Variants in LRP6 observed in about 807,000 individuals in gnomAD.
The protein encoded by LRP6 is LDL receptor related protein 6, also known as low-density lipoprotein receptor-related protein 6.
In LRP6, 43 loss-of-function variants were observed where a neutral mutation model predicts 184.1. The ratio of observed to expected loss-of-function variants is 0.23; its 90% CI spans 0.18 to 0.30. LRP6 has a LOEUF of 0.30. LRP6 is among the 10% of genes least tolerant of loss of function. LRP6 has a pLI of 1.00. For synonymous variants in LRP6, 719 were observed against 684.9 expected (o/e 1.05, Z -0.78); for missense variants, 1,571 against 2,005.3 (o/e 0.78, Z 4.14).
intron 2 of LRP6, among the ~76,000 whole-genome samples, chr12:12,221,063 C>CCT (rs1833452034): frequency 6.6e-6 from 1 of 152,148 alleles, no homozygotes; most frequent in Non-Finnish European, 1.5e-5. Context: ...TACTATGACC[C>CCT]CTCTCTCCTT....
At chr12:12,158,266 G>A (rs575022531) in intron 12 of LRP6, among the ~76,000 whole-genome samples, 1 of 152,228 alleles carries the variant, frequency 6.6e-6, no homozygotes, top group Non-Finnish European at 1.5e-5. Context: ...CAATAAATAT[G>A]ATGCATGAAA....
intron 9 of LRP6, among the ~76,000 whole-genome samples, chr12:12,163,375 A>G (rs978549839): frequency 6.6e-6 from 1 of 152,194 alleles, no homozygotes; most frequent in Non-Finnish European, 1.5e-5. Flanking sequence ...ACTGAACACC[A>G]TTAGAATCCA....
At chr12:12,137,798 C>T (rs965084566) in intron 16 of LRP6, among the ~76,000 whole-genome samples, 1 of 151,974 alleles carries the variant, frequency 6.6e-6, no homozygotes, top group African/African-American at 2.4e-5. Context: ...CCATGCCTTT[C>T]CCCCATTTCT....
chr12:12,200,804 G>A (rs1863894817), intron 3 of LRP6, among the ~76,000 whole-genome samples: 1 of 152,086 alleles, frequency 6.6e-6, no homozygotes, highest in African/African-American at 2.4e-5. Context: ...TCACCCTCCT[G>A]GAACTTAGGG....
At chr12:12,174,146 C>G (rs1863114311) in intron 7 of LRP6, among the ~76,000 whole-genome samples, 1 of 151,400 alleles carries the variant, frequency 6.6e-6, no homozygotes, top group South Asian at 2.1e-4. Context: ...GAGTCTTGCT[C>G]TGTTGTCCAT....
intron 2 of LRP6, among the ~76,000 whole-genome samples, chr12:12,221,455 A>G (rs746770556): frequency 3.3e-5 from 5 of 152,216 alleles, no homozygotes; most frequent in Non-Finnish European, 7.3e-5. Flanking sequence ...CACACACAAA[A>G]TAACAGCATC....
At chr12:12,265,167 T>G (rs2135953007) in intron 1 of LRP6, among the ~76,000 whole-genome samples, 1 of 152,316 alleles carries the variant, frequency 6.6e-6, no homozygotes, top group East Asian at 1.9e-4. Flanking sequence ...TAGTTGTTTC[T>G]AACAGCTACA....
intron 2 of LRP6, among the ~76,000 whole-genome samples, chr12:12,239,329 A>C (rs912711925): frequency 2.6e-5 from 4 of 152,238 alleles, no homozygotes; most frequent in African/African-American, 9.6e-5. Flanking sequence ...CAGAAAAAGA[A>C]CAAAGAAAAT....
intron 3 of LRP6, among the ~76,000 whole-genome samples, chr12:12,192,992 T>C (rs1863656666): frequency 6.6e-6 from 1 of 152,052 alleles, no homozygotes; most frequent in South Asian, 2.1e-4. Flanking sequence ...GAATTAATCT[T>C]AAAAGACTGA....
intron 2 of LRP6, among the ~76,000 whole-genome samples, chr12:12,232,219 T>C (rs1344732644): frequency 1.3e-5 from 2 of 151,138 alleles, no homozygotes; most frequent in Admixed American, 6.6e-5. Context: ...CTGTCTCTAC[T>C]AAAAAATACA....
At chr12:12,145,913 T>C (rs1182973854) in intron 15 of LRP6, among the ~76,000 whole-genome samples, 1 of 152,108 alleles carries the variant, frequency 6.6e-6, no homozygotes. Flanking sequence ...ATTACAAGCA[T>C]GAGCCACCAC....
chr12:12,262,890 A>T (rs1865654176), intron 1 of LRP6, among the ~76,000 whole-genome samples: 1 of 152,154 alleles, frequency 6.6e-6, no homozygotes, highest in African/African-American at 2.4e-5. Flanking sequence ...GTATCTCTGA[A>T]TCTGAGTTTC....
At chr12:12,226,548 G>A (rs148167283) in intron 2 of LRP6, 6 of 152,266 alleles carry the variant, frequency 3.9e-5, no homozygotes, top group African/African-American at 1.2e-4. Flanking sequence ...GCCTTTGATG[G>A]GTTTATTAGT....
intron 5 of LRP6, among the ~76,000 whole-genome samples, chr12:12,182,467 C>T (rs372547752): frequency 5.3e-5 from 8 of 152,014 alleles, no homozygotes; most frequent in African/African-American, 1.9e-4. Context: ...AGCAAAAAAT[C>T]GTCTAACTAT....
intron 1 of LRP6, among the ~76,000 whole-genome samples, chr12:12,262,067 A>AC (rs1172305401): frequency 6.6e-6 from 1 of 152,168 alleles, no homozygotes; most frequent in Non-Finnish European, 1.5e-5. Flanking sequence ...ATATGGTGAA[A>AC]CCCCATCTCT....
chr12:12,252,411 AT>A (rs1865345482), intron 1 of LRP6, among the ~76,000 whole-genome samples: 1 of 152,236 alleles, frequency 6.6e-6, no homozygotes, highest in Non-Finnish European at 1.5e-5. Context: ...ATCAAACGTT[AT>A]GGGTCATATG....
At chr12:12,235,401 C>T (rs1864906571) in intron 2 of LRP6, among the ~76,000 whole-genome samples, 1 of 152,108 alleles carries the variant, frequency 6.6e-6, no homozygotes, top group Non-Finnish European at 1.5e-5. Context: ...TATTTCCTAA[C>T]TCTGTCCACT....
chr12:12,131,008 T>C lies in LRP6; in HGVS notation c.3971-115A>G, dbSNP rs1221095153. 4.4e-6 allele frequency: 3 copies of C among 674,974 alleles called. No individual in the cohort carries two copies. In the Admixed American group the frequency reaches 6.4e-5, roughly 14 times the overall value. The allele number at this position is 674,974 out of a possible 1,614,324, so 41.8% of individuals were successfully genotyped here. ...ATGAAAAACAAATTAGACTTTTAGCTATAACTTAAATATTATTCTCTGGAG... is the reference window on the plus strand; with the variant it reads ...ATGAAAAACAAATTAGACTTTTAGCCATAACTTAAATATTATTCTCTGGAG... On this transcript the variant is annotated intron_variant, in intron 18 of 22. Transcript: ENST00000261349.
rs186308438 is a variant in LRP6, at chr12:12,262,883, T to C, written c.55+3798A>G. 5.9e-5 allele frequency among the ~76,000 whole-genome samples: 9 copies of C among 152,222 alleles called. No homozygotes were observed. The East Asian group carries it at 1.7e-3, about 29-fold the overall frequency. Reference sequence around the variant, plus strand: ...AACCTACCTTTATTAAATTACAGTATCTCTGAATCTGAGTTTCCCCACTTA... The same window carrying C: ...AACCTACCTTTATTAAATTACAGTACCTCTGAATCTGAGTTTCCCCACTTA... On this transcript the variant is annotated intron_variant, in intron 1 of 22. Transcript: ENST00000261349.
Sources: allele counts gnomAD v4.1 joint callset (sites outside exome capture counted in the v4.1 genomes callset), GRCh38; gene constraint gnomAD v4.1.1; transcripts MANE v1.5; gene names NCBI Gene and HGNC (gene_info 2026-07-23, HGNC 2026-07-21).